CCDC171: variants seen among roughly 807,000 people sequenced by gnomAD.
CCDC171 encodes coiled-coil domain-containing protein 171.
Under a neutral mutation model 168.2 loss-of-function variants are expected in CCDC171, and 177 were observed. That is an observed-to-expected ratio of 1.05 (90% CI 0.93 to 1.19). The LOEUF is 1.19. CCDC171 is among the 50% of genes most tolerant of loss of function. The probability of loss-of-function intolerance (pLI) is 0.00; values close to 1 mark genes in which losing one functional copy is unlikely to be tolerated. For synonymous variants in CCDC171, 687 were observed against 540.8 expected (o/e 1.27, Z -3.75); for missense variants, 1,991 against 1,539.0 (o/e 1.29, Z -4.91).
chr9:15,782,536 A>G (rs2057719764), intron 20 of CCDC171, among the ~76,000 whole-genome samples: 1 of 152,206 alleles, frequency 6.6e-6, no homozygotes, highest in Admixed American at 6.5e-5. Flanking sequence ...CTGTTAAAAC[A>G]AGGAAGTCCT....
intron 7 of CCDC171, among the ~76,000 whole-genome samples, chr9:15,649,293 C>T (rs1384435280): frequency 1.3e-5 from 2 of 152,142 alleles, no homozygotes; most frequent in Non-Finnish European, 2.9e-5. Context: ...ACCATAAAAA[C>T]CCTAGAAGAA....
chr9:15,907,187 C>G (rs1259455197), intron 24 of CCDC171, among the ~76,000 whole-genome samples: 2 of 152,106 alleles, frequency 1.3e-5, no homozygotes, highest in Non-Finnish European at 2.9e-5. Flanking sequence ...CAAAAAAGAG[C>G]CCACATTGCC....
chr9:16,017,410 T>C (rs1833053094), intron 3 of CCDC171, among the ~76,000 whole-genome samples: 1 of 152,160 alleles, frequency 6.6e-6, no homozygotes, highest in Non-Finnish European at 1.5e-5. Flanking sequence ...ACATTCCTTA[T>C]GCTTGTAGTT....
At chr9:15,600,158 A>G (rs1397396798) in intron 6 of CCDC171, among the ~76,000 whole-genome samples, 1 of 152,088 alleles carries the variant, frequency 6.6e-6, no homozygotes, top group Non-Finnish European at 1.5e-5. Context: ...TTCTCCATCC[A>G]GCTTTGGTCT....
Position 15,719,660 on chromosome 9 carries a change from T to C in CCDC171, c.1319-2109T>C, listed in dbSNP as rs10810435. ...AACATTTTCAGGAAATAAAACTTTA[T>C]TTTATTTAGAATATAAGAATGTTCA... On this transcript the variant is annotated intron_variant, in intron 11 of 25. Coordinates refer to ENST00000380701, the MANE Select transcript of CCDC171 (RefSeq NM_173550.4). Among the ~76,000 whole-genome samples, 8 of 151,918 alleles carry C rather than the reference T, an allele frequency of 5.3e-5. No individual in the cohort carries two copies. In the East Asian group the frequency reaches 1.2e-3, roughly 22 times the overall value.
At chr9:15,729,858 T>A in intron 16 of CCDC171, 60 bp downstream of exon 16, 1 of 914,950 alleles carries the variant, frequency 1.1e-6, no homozygotes, top group Non-Finnish European at 1.5e-6. Context: ...CATTAGAAAC[T>A]TTTTTTTTTT....
At chr9:16,045,553 C>T (rs1050201063) in intron 1 of CCDC171, among the ~76,000 whole-genome samples, 1 of 152,168 alleles carries the variant, frequency 6.6e-6, no homozygotes, top group African/African-American at 2.4e-5. Flanking sequence ...ACAAAACTCC[C>T]CATGGTTTAG....
chr9:15,785,497 A>G (rs2057899382), intron 21 of CCDC171, among the ~76,000 whole-genome samples: 2 of 152,098 alleles, frequency 1.3e-5, no homozygotes, highest in Non-Finnish European at 2.9e-5. Flanking sequence ...GCCAAAATTT[A>G]TTGTTAACTT....
chr9:15,636,954 G>C (rs1404632893), intron 7 of CCDC171, among the ~76,000 whole-genome samples: 1 of 150,922 alleles, frequency 6.6e-6, no homozygotes, highest in African/African-American at 2.4e-5. Context: ...AGGCAGTTTT[G>C]ACTCAGTTAA....
chr9:15,554,902 C>G (rs1257118545), intron 1 of CCDC171, among the ~76,000 whole-genome samples: 1 of 152,098 alleles, frequency 6.6e-6, no homozygotes, highest in Admixed American at 6.6e-5. Flanking sequence ...TAAATGAGAT[C>G]AGGAATGCTG....
At chr9:15,938,963 A>G (rs1253871870) in intron 25 of CCDC171, among the ~76,000 whole-genome samples, 1 of 151,768 alleles carries the variant, frequency 6.6e-6, no homozygotes, top group Non-Finnish European at 1.5e-5. Flanking sequence ...TTGCTTTGAT[A>G]TATCATTTTG....
At chr9:15,724,690 A>T in intron 13 of CCDC171, 86 bp from the exon 14 acceptor site, 1 of 765,088 alleles carries the variant, frequency 1.3e-6, no homozygotes, top group Non-Finnish European at 2.2e-6. Flanking sequence ...AGCTTTGAAA[A>T]TGTTCAATAT....
intron 11 of CCDC171, among the ~76,000 whole-genome samples, chr9:15,699,484 C>T (rs1014110247): frequency 6.6e-5 from 10 of 152,134 alleles, no homozygotes; most frequent in East Asian, 3.9e-4. Flanking sequence ...GCCCCACCCA[C>T]GTCCTGCTGA....
At chr9:15,988,893 C>T (rs1435166838) in intron 3 of CCDC171, among the ~76,000 whole-genome samples, 1 of 152,128 alleles carries the variant, frequency 6.6e-6, no homozygotes, top group African/African-American at 2.4e-5. Flanking sequence ...GGGTGCCTGC[C>T]ATTGCTGAGG....
chr9:15,952,768 T>C (rs1210946636), intron 25 of CCDC171, among the ~76,000 whole-genome samples: 2 of 152,174 alleles, frequency 1.3e-5, no homozygotes, highest in African/African-American at 4.8e-5. Context: ...TAGATTGCCT[T>C]GAGTGGTATT....
At chr9:15,779,993 A>G (rs1214796035) in intron 20 of CCDC171, among the ~76,000 whole-genome samples, 1 of 152,230 alleles carries the variant, frequency 6.6e-6, no homozygotes, top group Non-Finnish European at 1.5e-5. Flanking sequence ...ACAACTTAAA[A>G]CAGCTACTAT....
At chr9:15,858,312 T>C (rs1228299138) in intron 23 of CCDC171, among the ~76,000 whole-genome samples, 9 of 152,002 alleles carry the variant, frequency 5.9e-5, no homozygotes, top group African/African-American at 1.9e-4. Context: ...AGCCACTGCA[T>C]CCAGCCATCT....
chr9:15,991,863 C>T (rs1044110244), intron 3 of CCDC171, among the ~76,000 whole-genome samples: 5 of 152,154 alleles, frequency 3.3e-5, no homozygotes, highest in African/African-American at 1.2e-4. Context: ...CATACACCCT[C>T]CCAAGACTAA....
At chr9:15,596,851 G>A (rs1441696455) in intron 6 of CCDC171, among the ~76,000 whole-genome samples, 1 of 152,062 alleles carries the variant, frequency 6.6e-6, no homozygotes, top group Admixed American at 6.6e-5. Context: ...TCCTTGAAGA[G>A]GTTCTTCACA....
Sources: gnomAD v4.1 joint callset for allele counts (sites outside exome capture counted in the v4.1 genomes callset) on GRCh38, gnomAD v4.1.1 for gene constraint, MANE v1.5 for transcripts, NCBI Gene and HGNC (gene_info 2026-07-23, HGNC 2026-07-21) for gene names.